Variants in PSMD1 observed in about 807,000 individuals in gnomAD.
The protein encoded by PSMD1 is proteasome 26S subunit, non-ATPase 1.
In PSMD1, 18 loss-of-function variants were observed where a neutral mutation model predicts 119.0. The ratio of observed to expected loss-of-function variants is 0.15; its 90% CI spans 0.10 to 0.22. The LOEUF is 0.22. PSMD1 is among the 10% of genes least tolerant of loss of function. The probability of loss-of-function intolerance (pLI) is 1.00; values close to 1 mark genes in which losing one functional copy is unlikely to be tolerated. For missense variants in PSMD1, 702 were observed against 1,158.5 expected (o/e 0.61, Z 5.72); for synonymous variants, 374 against 396.6 (o/e 0.94, Z 0.68).
At chr2:231,108,936 T>C in intron 16 of PSMD1, 2 of 1,614,098 alleles carry the variant, frequency 1.2e-6, no homozygotes, top group Non-Finnish European at 1.7e-6. Context: ...GTTATATTTG[T>C]AATAAAGAAG....
intron 16 of PSMD1, among the ~76,000 whole-genome samples, chr2:231,107,628 A>G (rs1695008012): frequency 6.6e-6 from 1 of 152,218 alleles, no homozygotes; most frequent in Non-Finnish European, 1.5e-5. Context: ...GGTTGGACTC[A>G]TTCTGAGATC....
Position 231,061,044 on chromosome 2 carries a change from G to A in PSMD1, c.17-223G>A, listed in dbSNP as rs972272056. 3.3e-5 allele frequency among the ~76,000 whole-genome samples: 5 copies of A among 152,288 alleles called. No individual in the cohort carries two copies. In the East Asian group the frequency reaches 5.8e-4, roughly 18 times the overall value. ...AACACACTGAAAACCATTGAATTAG[G>A]CAAATGATGTAATATATGTGGTGCC... On this transcript the variant is annotated intron_variant, in intron 1 of 24. Transcript: ENST00000308696.
intron 12 of PSMD1, among the ~76,000 whole-genome samples, chr2:231,081,144 T>TAAAAAAA (rs368987456): frequency 6.8e-5 from 5 of 74,046 alleles, no homozygotes; most frequent in East Asian, 3.6e-4. Context: ...AAACTCTGTC[T>TAAAAAAA]AAAAAAAAAA....
At chr2:231,147,935 A>T (rs1182241594) in intron 18 of PSMD1, among the ~76,000 whole-genome samples, 2 of 152,216 alleles carry the variant, frequency 1.3e-5, no homozygotes, top group East Asian at 3.8e-4. Context: ...AGCTTTGTTT[A>T]AAAAAGTTCA....
chr2:231,161,774 G>A (rs185945375), intron 20 of PSMD1, among the ~76,000 whole-genome samples: 3 of 152,250 alleles, frequency 2.0e-5, no homozygotes, highest in Non-Finnish European at 4.4e-5. Flanking sequence ...ATAAACATAC[G>A]AAGAGGCTTT....
intron 11 of PSMD1, 110 bp from the exon 12 acceptor site, chr2:231,080,031 C>T (rs1422579408): frequency 2.1e-6 from 2 of 974,312 alleles, no homozygotes; most frequent in African/African-American, 3.4e-5. Flanking sequence ...CTACCTCCTT[C>T]TCTCTTAGCA....
chr2:231,153,360 C>G (rs905915559), intron 18 of PSMD1: 1 of 528,382 alleles, frequency 1.9e-6, no homozygotes, highest in African/African-American at 2.0e-5. Flanking sequence ...CAAGACAGAG[C>G]TGGTGCTCCC....
At chr2:231,138,908 C>A in intron 17 of PSMD1, 58 bp downstream of exon 17, 2 of 1,282,940 alleles carry the variant, frequency 1.6e-6, no homozygotes, top group Non-Finnish European at 2.3e-6. Flanking sequence ...TTTTCCCTCG[C>A]CGCAGAATTT....
Position 231,077,018 on chromosome 2 carries a change from T to C in PSMD1, c.943-16T>C. 6.3e-7 allele frequency: 1 copy of C among 1,580,954 alleles called. No homozygotes were observed. The highest frequency in any genetic ancestry group is 1.4e-5 in the African/African-American group (1 of 72,494). Reference sequence around the variant, plus strand: ...CTGTTTATGAGTTTTCATTTTTTTTTTGTTTGTTTTGGCAGAGTCCAGAGC... The same window carrying C: ...CTGTTTATGAGTTTTCATTTTTTTTCTGTTTGTTTTGGCAGAGTCCAGAGC... On this transcript the variant is annotated splice_polypyrimidine_tract_variant and intron_variant, in intron 8 of 24. Transcript: ENST00000308696.
intron 16 of PSMD1, among the ~76,000 whole-genome samples, chr2:231,124,300 A>G (rs1695661756): frequency 6.6e-6 from 1 of 152,230 alleles, no homozygotes; most frequent in Non-Finnish European, 1.5e-5. Context: ...ATGAAACAGA[A>G]GACACATTAA....
rs563754898 is a variant in PSMD1, at chr2:231,061,328, A to G, written c.60+18A>G. 1.3e-4 allele frequency: 203 copies of G among 1,563,180 alleles called. 2 individuals carry two copies. The South Asian group carries it at 2.3e-3, about 17-fold the overall frequency. On this transcript the variant is annotated intron_variant, in intron 2 of 24. Transcript: ENST00000308696. Reference sequence around the variant, plus strand: ...AGCTTAAGGTATGAATTGAAGAATAAGTAACTAGGCTTAGTGTGAATACTG... The same window carrying G: ...AGCTTAAGGTATGAATTGAAGAATAGGTAACTAGGCTTAGTGTGAATACTG...
chr2:231,066,570 G>C (rs1045504219), intron 4 of PSMD1, among the ~76,000 whole-genome samples: 2 of 151,986 alleles, frequency 1.3e-5, no homozygotes, highest in Admixed American at 1.3e-4. Context: ...TAAGAGACAG[G>C]GTCCCATTGT....
intron 21 of PSMD1, 42 bp downstream of exon 21, chr2:231,163,769 T>C (rs780526433): frequency 2.9e-6 from 4 of 1,384,102 alleles, no homozygotes; most frequent in African/African-American, 1.5e-5. Flanking sequence ...TACTTAAATA[T>C]AGGAGCCACT....
chr2:231,148,334 T>G (rs1455572587), intron 18 of PSMD1, among the ~76,000 whole-genome samples: 1 of 152,208 alleles, frequency 6.6e-6, no homozygotes, highest in African/African-American at 2.4e-5. Flanking sequence ...TGCTTTCATG[T>G]TACTTGTATT....
intron 1 of PSMD1, among the ~76,000 whole-genome samples, 159 bp from the exon 2 acceptor site, chr2:231,061,108 A>T (rs1397385113): frequency 6.6e-6 from 1 of 152,244 alleles, no homozygotes; most frequent in Non-Finnish European, 1.5e-5. Flanking sequence ...TAAACTTGAG[A>T]TATAAACCTT....
chr2:231,154,596 T>C (rs994010897), intron 19 of PSMD1, among the ~76,000 whole-genome samples: 1 of 152,148 alleles, frequency 6.6e-6, no homozygotes, highest in African/African-American at 2.4e-5. Context: ...GCCTCCCAAG[T>C]AGCTGAGACT....
intron 8 of PSMD1, among the ~76,000 whole-genome samples, chr2:231,076,208 G>T (rs1258794947): frequency 6.6e-6 from 1 of 152,202 alleles, no homozygotes; most frequent in Non-Finnish European, 1.5e-5. Flanking sequence ...ACATATATGG[G>T]AGGGAGGCTA....
chr2:231,078,921 A>G (rs1367116200), intron 10 of PSMD1, among the ~76,000 whole-genome samples, 174 bp downstream of exon 10: 2 of 149,612 alleles, frequency 1.3e-5, no homozygotes, highest in Admixed American at 1.3e-4. Flanking sequence ...CAGCCTCCCA[A>G]GTAGCTGGGA....
intron 7 of PSMD1, among the ~76,000 whole-genome samples, chr2:231,073,190 C>T (rs1033796689): frequency 3.9e-5 from 6 of 152,086 alleles, no homozygotes; most frequent in African/African-American, 1.4e-4. Flanking sequence ...GGGTGTGGTT[C>T]GTGGTGTCCC....
Sources: allele counts gnomAD v4.1 joint callset (sites outside exome capture counted in the v4.1 genomes callset), GRCh38; gene constraint gnomAD v4.1.1; transcripts MANE v1.5; gene names NCBI Gene and HGNC (gene_info 2026-07-23, HGNC 2026-07-21).